TEP1: variants seen among roughly 807,000 people sequenced by gnomAD.
The protein encoded by TEP1 is telomerase protein component 1.
TEP1 carries 241 observed loss-of-function variants against 306.3 expected under a neutral mutation model. The observed-to-expected ratio is 0.79, with a 90% confidence interval of 0.71 to 0.88. The LOEUF (loss-of-function observed/expected upper bound fraction) is 0.88. Ranked by LOEUF, TEP1 falls within the 40% of genes least tolerant of loss-of-function variation. The pLI is 0.00. For missense variants in TEP1, 3,051 were observed against 3,276.1 expected (o/e 0.93, Z 1.68); for synonymous variants, 1,289 against 1,305.5 (o/e 0.99, Z 0.27).
chr14:20,371,608 C>T lies in TEP1; in HGVS notation c.7101G>A (p.Gln2367=), dbSNP rs1035033933. Residue 2367 remains glutamine (Q), a synonymous_variant, in exon 50 of 55, where the codon CAG becomes CAA. Coordinates refer to ENST00000262715, the MANE Select transcript of TEP1 (RefSeq NM_007110.5). ...GACTTGTCAGCACCCCTAAGTCCTCCTGTAGAATTCGGTTCAGGTGAAGAC... is the reference window on the plus strand; with the variant it reads ...GACTTGTCAGCACCCCTAAGTCCTCTTGTAGAATTCGGTTCAGGTGAAGAC... The part of the protein sequence containing the change: ...NLSLHLNRIL[Q]EDLGVLTSLD... The T allele has an allele frequency of 1.3e-5, 20 of 1,581,464 alleles. No individual in the cohort carries two copies. Among genetic ancestry groups the T allele is most frequent in the Non-Finnish European group, 1.5e-5 (18 of 1,172,172 alleles).
chr14:20,387,660 C>A (rs918353031), intron 18 of TEP1, among the ~76,000 whole-genome samples: 1 of 152,254 alleles, frequency 6.6e-6, no homozygotes, highest in Non-Finnish European at 1.5e-5. Context: ...TACGCCCTGG[C>A]CATACGGCCA....
In TEP1 at chr14:20,378,106, A is replaced by G. The variant is rs1846884261; in HGVS notation, c.5639T>C (p.Phe1880Ser). The change falls in exon 39 of 55, where the codon TTC (phenylalanine) becomes TCC (serine). Residue 1880 changes from phenylalanine to serine, a missense_variant. Phe to Ser is a radical substitution (Grantham distance 155, BLOSUM62 -2). Transcript: ENST00000262715. ...AWREGARLAAFPAHHGFVAAA... is the reference protein window; with the variant it reads ...AWREGARLAASPAHHGFVAAA... ...AGCAACAAAGCCATGGTGGGCAGGG[A>G]AGGCAGCCAGCCGTGCCCCTTCTCG... 1 of 1,613,846 alleles carries G rather than the reference A, an allele frequency of 6.2e-7. No homozygotes were observed. The highest frequency in any genetic ancestry group is 1.1e-5 in the South Asian group (1 of 91,090).
intron 12 of TEP1, among the ~76,000 whole-genome samples, chr14:20,393,418 A>G (rs1299824255): frequency 6.6e-6 from 1 of 152,192 alleles, no homozygotes; most frequent in Non-Finnish European, 1.5e-5. Context: ...ATCAAATTAA[A>G]CTTAAATTAT....
In TEP1 at chr14:20,389,459, G is replaced by A. The variant is rs541460328; in HGVS notation, c.2465+151C>T. The A allele has an allele frequency of 1.4e-4, 201 of 1,429,178 alleles. No homozygotes were observed. The African/African-American group carries it at 2.5e-3, about 18-fold the overall frequency. The allele number at this position is 1,429,178 out of a possible 1,614,324, so 88.5% of individuals were successfully genotyped here. A position where few individuals can be genotyped will look rare whatever the true frequency, so the allele number is the denominator to read the frequency against. On this transcript the variant is annotated intron_variant, in intron 16 of 54. Coordinates refer to ENST00000262715, the MANE Select transcript of TEP1 (RefSeq NM_007110.5). ...CTCTCACAGAGGGGTACAGAGTTAG[G>A]CTAAAGTATCCACCTGAAGTGCAAC...
Position 20,381,222 on chromosome 14 carries a change from G to T in TEP1, c.4647+91C>A. ...GGAGTTTGGGAGGGGTAATGGCGGC[G>T]GTGATGGTGGAGATGGTAACGGGGA... On this transcript the variant is annotated intron_variant, in intron 32 of 54. Transcript: ENST00000262715. The surrounding 1 kb of genome is among the most constrained non-coding windows in gnomAD (Gnocchi z 4.0). The T allele has an allele frequency of 7.3e-7, 1 of 1,365,154 alleles. No individual in the cohort carries two copies. Among genetic ancestry groups the T allele is most frequent in the South Asian group, 1.2e-5 (1 of 85,910 alleles). 84.6% of individuals were successfully genotyped at this position (1,365,154 alleles called of 1,614,324 possible). A position where few individuals can be genotyped will look rare whatever the true frequency, so the allele number is the denominator to read the frequency against.
intron 10 of TEP1, among the ~76,000 whole-genome samples, chr14:20,396,152 C>T (rs1164115339): frequency 1.3e-5 from 2 of 152,150 alleles, no homozygotes; most frequent in African/African-American, 4.8e-5. Flanking sequence ...GAGAAAGTAA[C>T]AGAAGGAGCC....
chr14:20,395,272 C>T (rs1486715697), intron 12 of TEP1, among the ~76,000 whole-genome samples, 178 bp downstream of exon 12: 1 of 152,168 alleles, frequency 6.6e-6, no homozygotes, highest in Non-Finnish European at 1.5e-5. Flanking sequence ...CATGATCTCT[C>T]TTTAGGACAA....
At chr14:20,406,152 G>T in intron 3 of TEP1, 81 bp downstream of exon 3, 1 of 1,417,346 alleles carries the variant, frequency 7.1e-7, no homozygotes, top group South Asian at 1.3e-5. Flanking sequence ...TCCAACTGGG[G>T]AGGGGACCTG....
Position 20,388,046 on chromosome 14 carries a change from C to G in TEP1, c.2543G>C (p.Gly848Ala). Residue 848 changes from glycine (G) to alanine (A), a missense_variant, in exon 18 of 55, where the codon GGG becomes GCG. This residue lies in a region of TEP1 where 1,507 missense variants were observed against 1,550.5 expected (regional missense o/e 0.97). Transcript: ENST00000262715. ...DAILKFIAEH[G>A]ASHLLEHVGQ... Reference sequence around the variant, plus strand: ...CACATGTTCCAGAAGATGGGAGGCCCCATGCTCTGCAATGAACCTGACATA... The same window carrying G: ...CACATGTTCCAGAAGATGGGAGGCCGCATGCTCTGCAATGAACCTGACATA... 3 of 1,614,002 alleles carry G rather than the reference C, an allele frequency of 1.9e-6. No homozygotes were observed. The highest frequency in any genetic ancestry group is 2.5e-6 in the Non-Finnish European group (3 of 1,179,990).
Position 20,407,588 on chromosome 14 carries a change from G to A in TEP1, c.567+285C>T, listed in dbSNP as rs990492150. Among the ~76,000 whole-genome samples the A allele has an allele frequency of 4.6e-5, 7 of 152,308 alleles. No individual in the cohort carries two copies. The South Asian group carries it at 6.2e-4, about 14-fold the overall frequency. ...ACTCCTGGACTCAAGTGATCCGCCC[G>A]CCTTGGCCTCCCAAAGTGCTGGGAT... On this transcript the variant is annotated intron_variant, in intron 2 of 54. Transcript: ENST00000262715.
intron 2 of TEP1, among the ~76,000 whole-genome samples, chr14:20,407,267 A>G (rs1416446511): frequency 6.6e-6 from 1 of 152,218 alleles, no homozygotes; most frequent in Non-Finnish European, 1.5e-5. Context: ...CCTGATCTCA[A>G]AAGCACCTAA....
At chr14:20,401,428 G>C (rs749969019) in intron 8 of TEP1, 29 bp downstream of exon 8, 1 of 1,611,974 alleles carries the variant, frequency 6.2e-7, no homozygotes, top group African/African-American at 1.3e-5. Context: ...TACTTAGATG[G>C]AATGCATGCT....
chr14:20,385,326 T>C (rs1398962678), intron 20 of TEP1, among the ~76,000 whole-genome samples: 1 of 152,254 alleles, frequency 6.6e-6, no homozygotes, highest in African/African-American at 2.4e-5. Context: ...TGAATGCCTG[T>C]AATGTATTGA....
intron 12 of TEP1, among the ~76,000 whole-genome samples, chr14:20,392,986 A>G (rs1877849354): frequency 7.2e-6 from 1 of 138,426 alleles, no homozygotes; most frequent in South Asian, 2.2e-4. Flanking sequence ...TAGGAGGCCG[A>G]GGCGGGCAGA....
At position 20,403,393 on chromosome 14, in the gene TEP1, C is replaced by T. The variant is rs532569714; in HGVS notation, c.1250G>A (p.Arg417Lys). ...RCFPRYIGFL[R>K]EEQRKFEKAG... Reference sequence around the variant, plus strand: ...GGGACTCACCTTTCTCTGCTCTTCTCTGAGAAACCCTATGTACCTTGGAAA... The same window carrying T: ...GGGACTCACCTTTCTCTGCTCTTCTTTGAGAAACCCTATGTACCTTGGAAA... The change falls in exon 7 of 55, where the codon AGA (arginine) becomes AAA (lysine). Residue 417 changes from arginine to lysine, a missense_variant. This residue lies in a region of TEP1 where 1,507 missense variants were observed against 1,550.5 expected (regional missense o/e 0.97). Transcript: ENST00000262715. 1.2e-4 allele frequency: 191 copies of T among 1,614,158 alleles called. No homozygotes were observed. Among genetic ancestry groups the T allele is most frequent in the Non-Finnish European group, 1.6e-4 (183 of 1,180,024 alleles).
chr14:20,391,632 TGCATTA>T lies in TEP1; in HGVS notation c.2058_2063del (p.Asn687_Ala688del). On this transcript the variant is annotated inframe_deletion, in exon 13 of 55. Coordinates refer to ENST00000262715, the MANE Select transcript of TEP1 (RefSeq NM_007110.5). ...GGTTGCTCTTTGGACAGAGCCTGTC[TGCATTA>T]GCATCTGTCAGATAGACCAAGACAG... The T allele has an allele frequency of 6.2e-7, 1 of 1,614,142 alleles. No homozygotes were observed. The highest frequency in any genetic ancestry group is 8.5e-7 in the Non-Finnish European group (1 of 1,180,014).
rs1163925732 is a variant in TEP1, at chr14:20,390,426, CT to C, written c.2334+254del. On this transcript the variant is annotated intron_variant, in intron 15 of 54. Coordinates refer to ENST00000262715, the MANE Select transcript of TEP1 (RefSeq NM_007110.5). ...ATGTTCAGTAGCATCATGTCGATAG[CT>C]TGAAATCAGCCACGGTAGGACTGTT... 2.0e-5 allele frequency among the ~76,000 whole-genome samples: 3 copies of C among 152,202 alleles called. No individual in the cohort carries two copies. In the East Asian group the frequency reaches 5.8e-4, roughly 29 times the overall value.
At chr14:20,382,872 C>A (rs1876714342) in intron 27 of TEP1, among the ~76,000 whole-genome samples, 157 bp from the exon 28 acceptor site, 1 of 152,164 alleles carries the variant, frequency 6.6e-6, no homozygotes, top group Non-Finnish European at 1.5e-5. Context: ...CCATCCCTCT[C>A]CTACGCTGCT....
intron 1 of TEP1, among the ~76,000 whole-genome samples, chr14:20,409,706 G>A (rs1021810740): frequency 2.6e-5 from 4 of 151,956 alleles, no homozygotes; most frequent in Admixed American, 2.6e-4. Context: ...GTGTCTCTAG[G>A]GTTTTCTCAT....
Sources: allele counts gnomAD v4.1 joint callset (sites outside exome capture counted in the v4.1 genomes callset), GRCh38; gene constraint gnomAD v4.1.1; regional missense constraint gnomAD v4.1.1; non-coding constraint Gnocchi (gnomAD v3.1); transcripts MANE v1.5; gene names NCBI Gene and HGNC (gene_info 2026-07-23, HGNC 2026-07-21).